Variants in TRHDE observed in about 807,000 individuals in gnomAD.
TRHDE encodes the protein thyrotropin releasing hormone degrading enzyme.
Under a neutral mutation model 125.7 loss-of-function variants are expected in TRHDE, and 72 were observed. That is an observed-to-expected ratio of 0.57 (90% confidence interval 0.47 to 0.70). The LOEUF is 0.70. Ranked by LOEUF, TRHDE falls within the 30% of genes least tolerant of loss-of-function variation. The pLI is 0.00. For missense variants in TRHDE, 1,110 were observed against 1,327.1 expected (o/e 0.84, Z 2.54); for synonymous variants, 509 against 509.1 (o/e 1.00, Z 0.00).
chr12:72,362,874 T>C (rs1255852128), intron 2 of TRHDE, among the ~76,000 whole-genome samples: 1 of 152,084 alleles, frequency 6.6e-6, no homozygotes, highest in African/African-American at 2.4e-5. Flanking sequence ...CGGATAGTTG[T>C]AGATACGCGA....
intron 15 of TRHDE, among the ~76,000 whole-genome samples, chr12:72,635,679 A>G (rs1322004086): frequency 3.5e-4 from 52 of 150,346 alleles, no homozygotes; most frequent in Admixed American, 9.3e-4. Context: ...TGATTTTTGT[A>G]TAAGGTGTAA....
At chr12:72,089,344 C>G (rs1465860773) in intron 1 of TRHDE, among the ~76,000 whole-genome samples, 1 of 152,180 alleles carries the variant, frequency 6.6e-6, no homozygotes, top group Non-Finnish European at 1.5e-5. Context: ...TCTTTTAACA[C>G]TATACATTGG....
At position 72,639,033 on chromosome 12, in the gene TRHDE, T is replaced by A. The variant is rs1312043577; in HGVS notation, c.2676-13289T>A. ...TCTTTGTGGCATTCTCTGTATTTCC[T>A]GAATCTGAATGTTGGCCTGCCTTGC... is the stretch of plus-strand genomic sequence containing the variant. On this transcript the variant is annotated intron_variant, in intron 15 of 18. Coordinates refer to ENST00000261180, the MANE Select transcript of TRHDE (RefSeq NM_013381.3). Among the ~76,000 whole-genome samples, 199 of 151,086 alleles carry A rather than the reference T, an allele frequency of 1.3e-3. 1 individual carries two copies. Among genetic ancestry groups the A allele is most frequent in the African/African-American group, 4.4e-3 (181 of 41,176 alleles).
At chr12:72,147,795 T>A (rs1344861189) in intron 2 of TRHDE, 1 of 152,262 alleles carries the variant, frequency 6.6e-6, no homozygotes, top group Non-Finnish European at 1.5e-5. Context: ...TAGATTTGGT[T>A]GTATGATGTA....
At chr12:72,600,531 T>G (rs968469369) in intron 12 of TRHDE, among the ~76,000 whole-genome samples, 1 of 152,194 alleles carries the variant, frequency 6.6e-6, no homozygotes, top group African/African-American at 2.4e-5. Context: ...GTTGCATTCT[T>G]GATTTGGCTC....
chr12:72,391,244 G>A (rs1322028658), intron 3 of TRHDE, among the ~76,000 whole-genome samples: 1 of 152,124 alleles, frequency 6.6e-6, no homozygotes. Flanking sequence ...TACTGTTTTT[G>A]AGAATTTTGA....
At chr12:72,275,305 T>C (rs1239422557) in intron 1 of TRHDE, among the ~76,000 whole-genome samples, 2 of 152,218 alleles carry the variant, frequency 1.3e-5, no homozygotes, top group Non-Finnish European at 2.9e-5. Flanking sequence ...TATAGAGTTC[T>C]ATGAAGTAAC....
At chr12:72,180,312 G>C (rs191477265) in intron 2 of TRHDE, among the ~76,000 whole-genome samples, 2 of 152,090 alleles carry the variant, frequency 1.3e-5, no homozygotes, top group Admixed American at 1.3e-4. Flanking sequence ...TTAAATAATT[G>C]TCAACATCTT....
intron 2 of TRHDE, among the ~76,000 whole-genome samples, chr12:72,376,456 A>G (rs1438725959): frequency 6.6e-6 from 1 of 152,166 alleles, no homozygotes; most frequent in Non-Finnish European, 1.5e-5. Context: ...CTGCTGTTGC[A>G]GGTAGTCTCT....
intron 2 of TRHDE, among the ~76,000 whole-genome samples, chr12:72,295,272 G>A (rs1880249326): frequency 6.6e-6 from 1 of 152,050 alleles, no homozygotes; most frequent in African/African-American, 2.4e-5. Context: ...AGCTCAGAAG[G>A]GGCAGGGCTC....
At chr12:72,208,827 C>A (rs1322971516) in intron 2 of TRHDE, among the ~76,000 whole-genome samples, 2 of 152,090 alleles carry the variant, frequency 1.3e-5, no homozygotes, top group Non-Finnish European at 2.9e-5. Context: ...TGTGTATATG[C>A]CCGTCTTGAA....
At chr12:72,603,907 A>G (rs1331101379) in intron 12 of TRHDE, among the ~76,000 whole-genome samples, 1 of 152,202 alleles carries the variant, frequency 6.6e-6, no homozygotes, top group East Asian at 1.9e-4. Context: ...GCTGGAAAGT[A>G]GAAAATTCAG....
intron 2 of TRHDE, chr12:72,253,481 T>C (rs1335949340): frequency 6.6e-6 from 1 of 152,180 alleles, no homozygotes; most frequent in African/African-American, 2.4e-5. Flanking sequence ...CATTCTGTCT[T>C]TCAGCATTAA....
intron 2 of TRHDE, among the ~76,000 whole-genome samples, chr12:72,237,297 T>C (rs1181750458): frequency 6.6e-6 from 1 of 152,194 alleles, no homozygotes; most frequent in East Asian, 1.9e-4. Flanking sequence ...AGATGTACAA[T>C]ATTTTGGTAA....
chr12:72,214,248 C>T lies in TRHDE; in HGVS notation n.279+108496C>T, dbSNP rs141207594. Among the ~76,000 whole-genome samples, 402 of 152,156 alleles carry T rather than the reference C, an allele frequency of 2.6e-3. 4 individuals carry two copies. The highest frequency in any genetic ancestry group is 9.4e-3 in the African/African-American group (389 of 41,540). ...TTCTGAATGCTGAAACGCAACACTT[C>T]GTAGAATGTAAAATAAAACCATTAG... On this transcript the variant is annotated intron_variant and non_coding_transcript_variant, in intron 2 of 4. Transcript: ENST00000548156.
intron 1 of TRHDE, among the ~76,000 whole-genome samples, chr12:72,103,777 A>T (rs1282491794): frequency 1.3e-5 from 2 of 152,222 alleles, no homozygotes; most frequent in Admixed American, 1.3e-4. Context: ...AGAAATACAG[A>T]AAATACTGAC....
At chr12:72,449,107 G>A (rs968507016) in intron 3 of TRHDE, among the ~76,000 whole-genome samples, 5 of 152,010 alleles carry the variant, frequency 3.3e-5, no homozygotes. Flanking sequence ...GGTTTAAGGG[G>A]TGTGTTTGTT....
chr12:72,528,446 T>C (rs1028696053), intron 6 of TRHDE, among the ~76,000 whole-genome samples: 3 of 152,246 alleles, frequency 2.0e-5, no homozygotes, highest in East Asian at 1.9e-4. Flanking sequence ...TACAGCCTGT[T>C]ACTCACAAGT....
In TRHDE at chr12:72,665,010, C is replaced by CT. The variant is rs940821739; in HGVS notation, c.*1820dup. On this transcript the variant is annotated 3_prime_UTR_variant, in exon 19 of 19. Transcript: ENST00000261180. ...TAATACTTTTAGTATAAAATCTAAA[C>CT]TTTTTCCATTTATCAGAAATGATAA... 1 of 151,954 alleles carries CT rather than the reference C, an allele frequency of 6.6e-6. No homozygotes were observed. The highest frequency in any genetic ancestry group is 1.5e-5 in the Non-Finnish European group (1 of 67,936). 9.4% of individuals were successfully genotyped at this position (151,954 alleles called of 1,614,324 possible). A position where few individuals can be genotyped will look rare whatever the true frequency, so the allele number is the denominator to read the frequency against.
Sources: allele counts gnomAD v4.1 joint callset (sites outside exome capture counted in the v4.1 genomes callset), GRCh38; gene constraint gnomAD v4.1.1; transcripts MANE v1.5; gene names NCBI Gene and HGNC (gene_info 2026-07-23, HGNC 2026-07-21).